The following MYO6 variants were observed in gnomAD, a reference collection of about 807,000 sequenced individuals.
The protein encoded by MYO6 is unconventional myosin-VI.
Under a neutral mutation model 178.7 loss-of-function variants are expected in MYO6, and 74 were observed. That is an observed-to-expected ratio of 0.41 (90% confidence interval 0.34 to 0.50). The LOEUF (loss-of-function observed/expected upper bound fraction) is 0.50, where lower values mean the gene tolerates loss of function less well. Among genes scored for constraint, MYO6 ranks in the 20% least tolerant of loss-of-function variants. The probability of loss-of-function intolerance (pLI) is 0.09; values close to 1 mark genes in which losing one functional copy is unlikely to be tolerated. For synonymous variants in MYO6, 477 were observed against 504.6 expected (o/e 0.95, Z 0.73); for missense variants, 1,330 against 1,547.4 (o/e 0.86, Z 2.36).
At position 75,752,201 on chromosome 6, in the gene MYO6, A is replaced by G. The variant is rs138470863; in HGVS notation, c.-48+2778A>G. On this transcript the variant is annotated intron_variant, in intron 1 of 34. Transcript: ENST00000369977. ...GAGATGGGGTTTCACCATGTTGGCC[A>G]GGCTGGTCTCAAACTCCTGAGCTCA... is the stretch of plus-strand genomic sequence containing the variant. 4.1e-3 allele frequency among the ~76,000 whole-genome samples: 623 copies of G among 152,258 alleles called. 4 individuals are homozygous for G. The highest frequency in any genetic ancestry group is 6.6e-3 in the Non-Finnish European group (451 of 68,016).
intron 6 of MYO6, among the ~76,000 whole-genome samples, chr6:75,835,554 C>T (rs1362626772): frequency 1.3e-5 from 2 of 152,162 alleles, no homozygotes; most frequent in African/African-American, 4.8e-5. Context: ...GCCCCAGCCT[C>T]CTGAGTAGCT....
Position 75,879,801 on chromosome 6 carries a change from T to C in MYO6, c.2078-19T>C, listed in dbSNP as rs188730005. ...CCGAACAGTGATTGACAGTGCTTTG[T>C]GCTTGTTCGTGAATCTAGGGATGGT... On this transcript the variant is annotated intron_variant, in intron 20 of 34. Transcript: ENST00000369977. The C allele has an allele frequency of 1.3e-3, 2,078 of 1,614,172 alleles. 3 individuals are homozygous for C. The highest frequency in any genetic ancestry group is 4.3e-3 in the Middle Eastern group (26 of 6,062).
chr6:75,889,659 C>T (rs1388579844), intron 25 of MYO6, among the ~76,000 whole-genome samples: 1 of 152,176 alleles, frequency 6.6e-6, no homozygotes, highest in Non-Finnish European at 1.5e-5. Context: ...GTGATCTGTC[C>T]ACCTTGGCCT....
chr6:75,907,784 GTGTGTGTGTA>G, intron 31 of MYO6, 76 bp downstream of exon 31: 1 of 1,072,030 alleles, frequency 9.3e-7, no homozygotes. Context: ...AGGGTGAGGT[GTGTGTGTGTA>G]TGTGTGTGTG....
At chr6:75,750,097 C>CTTTT (rs200110417) in intron 1 of MYO6, among the ~76,000 whole-genome samples, 3 of 137,918 alleles carry the variant, frequency 2.2e-5, no homozygotes, top group Non-Finnish European at 4.6e-5. Flanking sequence ...AATTCATTAC[C>CTTTT]TTTTTTTTTT....
rs368430877 is a variant in MYO6 at position 75,866,642 on chromosome 6, G to T, written c.1770+21G>T. On this transcript the variant is annotated intron_variant, in intron 17 of 34. Transcript: ENST00000369977. Reference sequence around the variant, plus strand: ...AAACAGTGAGTATAACTTTTACAAGGAGAAAACCATTTCATGTTGAAGCTG... The same window carrying T: ...AAACAGTGAGTATAACTTTTACAAGTAGAAAACCATTTCATGTTGAAGCTG... The T allele has an allele frequency of 1.0e-3, 1,607 of 1,585,760 alleles. 26 individuals carry two copies. In the South Asian group the frequency reaches 0.014, roughly 14 times the overall value.
intron 30 of MYO6, among the ~76,000 whole-genome samples, chr6:75,903,963 AT>A (rs1780046861): frequency 6.6e-6 from 1 of 151,660 alleles, no homozygotes; most frequent in Admixed American, 6.6e-5. Context: ...TCTGTGAAGT[AT>A]TTTATTTCTC....
intron 1 of MYO6, among the ~76,000 whole-genome samples, chr6:75,775,086 G>A (rs1226145562): frequency 6.6e-6 from 1 of 152,060 alleles, no homozygotes; most frequent in Non-Finnish European, 1.5e-5. Flanking sequence ...GAGCCACCAC[G>A]TCCGGTGAGA....
In MYO6 at chr6:75,844,722, G is replaced by A. The variant is rs572887078; in HGVS notation, c.817-175G>A. Among the ~76,000 whole-genome samples the A allele has an allele frequency of 6.9e-4, 105 of 151,964 alleles. 1 individual carries two copies. The Middle Eastern group carries it at 0.014, about 20-fold the overall frequency. On this transcript the variant is annotated intron_variant, in intron 9 of 34. Transcript: ENST00000369977. ...TTTAATATTCCTGGTTTTATTAGTA[G>A]GAAGAAAATGCTTATAAAATATAGA...
intron 1 of MYO6, among the ~76,000 whole-genome samples, chr6:75,805,021 A>ATATT (rs1252912172): frequency 1.7e-4 from 13 of 77,280 alleles, no homozygotes; most frequent in African/African-American, 1.1e-3. Context: ...ATATATATAT[A>ATATT]TTTTTTTTTT....
chr6:75,756,222 C>G (rs903026061), intron 1 of MYO6, among the ~76,000 whole-genome samples: 12 of 81,562 alleles, frequency 1.5e-4, no homozygotes, highest in African/African-American at 3.6e-4. Flanking sequence ...TAGCCAGATT[C>G]TGTCTCAAAA....
chr6:75,804,946 C>T (rs2150128104), intron 1 of MYO6, among the ~76,000 whole-genome samples: 1 of 143,078 alleles, frequency 7.0e-6, no homozygotes, highest in East Asian at 2.0e-4. Flanking sequence ...TACATATATA[C>T]ACATATGTAC....
At chr6:75,825,022 G>A (rs1264999871) in intron 3 of MYO6, among the ~76,000 whole-genome samples, 1 of 152,154 alleles carries the variant, frequency 6.6e-6, no homozygotes, top group Non-Finnish European at 1.5e-5. Context: ...GGCTCCCAAA[G>A]TGCTGGGATT....
At chr6:75,826,082 A>C (rs1300981723) in intron 3 of MYO6, among the ~76,000 whole-genome samples, 1 of 152,230 alleles carries the variant, frequency 6.6e-6, no homozygotes, top group Non-Finnish European at 1.5e-5. Context: ...GACAGGAGGA[A>C]GGAATTATTT....
chr6:75,881,162 G>A (rs1302296712), intron 22 of MYO6, among the ~76,000 whole-genome samples: 2 of 152,118 alleles, frequency 1.3e-5, no homozygotes, highest in Admixed American at 1.3e-4. Context: ...CTGAGGTGGG[G>A]AGGATTGCCT....
intron 30 of MYO6, 27 bp from the exon 31 acceptor site, chr6:75,907,578 A>T (rs749695249): frequency 6.4e-7 from 1 of 1,561,710 alleles, no homozygotes; most frequent in South Asian, 1.1e-5. Flanking sequence ...TCTGGTTTAA[A>T]CATGCAAAAA....
chr6:75,778,906 A>T (rs1766664719), intron 1 of MYO6, among the ~76,000 whole-genome samples: 1 of 151,864 alleles, frequency 6.6e-6, no homozygotes, highest in Non-Finnish European at 1.5e-5. Flanking sequence ...CAAATAAAAA[A>T]ATCAGCTGGG....
At chr6:75,909,660 A>C (rs1179625040) in intron 32 of MYO6, among the ~76,000 whole-genome samples, 1 of 152,242 alleles carries the variant, frequency 6.6e-6, no homozygotes, top group Non-Finnish European at 1.5e-5. Context: ...TCTTTAAAGC[A>C]ATAATTGGAC....
chr6:75,808,974 G>A (rs1398592564), intron 1 of MYO6, among the ~76,000 whole-genome samples: 1 of 152,186 alleles, frequency 6.6e-6, no homozygotes, highest in Non-Finnish European at 1.5e-5. Flanking sequence ...CAGGTGAGAG[G>A]AGGGTAGAGG....
Sources: gnomAD v4.1 joint callset for allele counts (sites outside exome capture counted in the v4.1 genomes callset) on GRCh38, gnomAD v4.1.1 for gene constraint, MANE v1.5 for transcripts, NCBI Gene and HGNC (gene_info 2026-07-23, HGNC 2026-07-21) for gene names.